P4HA3: variants seen among roughly 807,000 people sequenced by gnomAD.
The protein encoded by P4HA3 is prolyl 4-hydroxylase subunit alpha 3.
Under a neutral mutation model 66.7 loss-of-function variants are expected in P4HA3, and 60 were observed. That is an observed-to-expected ratio of 0.90 (90% CI 0.73 to 1.12). The LOEUF (loss-of-function observed/expected upper bound fraction) is 1.12, where lower values mean the gene tolerates loss of function less well. P4HA3 is among the 50% of genes most tolerant of loss of function. P4HA3 has a pLI of 0.00. For missense variants in P4HA3, 683 were observed against 685.8 expected, an observed-to-expected ratio of 1.00 and a Z score of 0.05; for synonymous variants, 263 against 274.6, an observed-to-expected ratio of 0.96 and a Z score of 0.42.
intron 1 of P4HA3, among the ~76,000 whole-genome samples, chr11:74,310,575 C>T (rs910128548): frequency 6.6e-6 from 1 of 152,232 alleles, no homozygotes; most frequent in Non-Finnish European, 1.5e-5. Context: ...GATTAACAGT[C>T]ATGGTGCTAC....
chr11:74,294,046 C>A (rs1861129131), intron 4 of P4HA3, among the ~76,000 whole-genome samples: 1 of 152,214 alleles, frequency 6.6e-6, no homozygotes, highest in Non-Finnish European at 1.5e-5. Context: ...GAGTGTTTTC[C>A]AACTTGGTTC....
chr11:74,287,097 G>A, intron 5 of P4HA3: 2 of 1,177,596 alleles, frequency 1.7e-6, no homozygotes, highest in Non-Finnish European at 2.1e-6. Flanking sequence ...AATAAATCTT[G>A]TGTCTTGTTT....
chr11:74,269,668 C>CT lies in P4HA3; in HGVS notation c.1450dup (p.Ser484LysfsTer6). The CT allele has an allele frequency of 6.2e-7, 1 of 1,613,850 alleles. No individual in the cohort carries two copies. On this transcript the variant is annotated frameshift_variant, in exon 11 of 13. Coordinates refer to ENST00000331597, the MANE Select transcript of P4HA3 (RefSeq NM_182904.5). LOFTEE classifies it high-confidence loss of function. ...CCCACTCACCCTAACCACAGGCACG[C>CT]TGAGGTTGGCATAGATGAAGGCTGT...
chr11:74,288,693 A>T (rs1460791353), intron 5 of P4HA3, among the ~76,000 whole-genome samples: 1 of 152,186 alleles, frequency 6.6e-6, no homozygotes, highest in African/African-American at 2.4e-5. Context: ...TCATGCCTGT[A>T]ATCCTAGCAC....
At chr11:74,264,458 T>G (rs1227874468), downstream of P4HA3, among the ~76,000 whole-genome samples, 1 of 152,214 alleles carries the variant, frequency 6.6e-6, no homozygotes, top group Non-Finnish European at 1.5e-5. Context: ...CCCATGAAAC[T>G]TCCAGGGGTG....
Position 74,311,598 on chromosome 11 carries a change from GC to G in P4HA3, c.13del (p.Ala5ArgfsTer30). On this transcript the variant is annotated frameshift_variant, in exon 1 of 13. Transcript: ENST00000331597. LOFTEE classifies it high-confidence loss of function. ...CACCGCCAGCAGCGCCGCCAGCCGC[GC>G]CCCAGGACCCATAGCCAGCGCTCGC... MGPG[A>X]RLAALLAVLA... The G allele has an allele frequency of 6.6e-7, 1 of 1,526,260 alleles. No homozygotes were observed. Among genetic ancestry groups the G allele is most frequent in the Admixed American group, 2.0e-5 (1 of 49,432 alleles). 94.5% of individuals were successfully genotyped at this position (1,526,260 alleles called of 1,614,324 possible).
chr11:74,301,490 G>A (rs568134145), intron 3 of P4HA3, among the ~76,000 whole-genome samples: 1 of 152,312 alleles, frequency 6.6e-6, no homozygotes, highest in Non-Finnish European at 1.5e-5. Flanking sequence ...AGTATGTAGA[G>A]AGACTCAAGC....
In P4HA3 at chr11:74,253,499, C is replaced by T. The variant is rs751225524; in HGVS notation, c.*1319-5498G>A. The T allele has an allele frequency of 8.7e-6, 14 of 1,608,794 alleles. No individual in the cohort carries two copies. Among genetic ancestry groups the T allele is most frequent in the Non-Finnish European group, 1.1e-5 (13 of 1,175,278 alleles). ...CTTTCTGTTCTTCCACAGTGTGTTTCCTGGCTGTTAGTGACCTGCTGTCCA... is the reference window on the plus strand; with the variant it reads ...CTTTCTGTTCTTCCACAGTGTGTTTTCTGGCTGTTAGTGACCTGCTGTCCA... On this transcript the variant is annotated intron_variant and NMD_transcript_variant, in intron 15 of 15. Coordinates refer to the P4HA3 transcript ENST00000524388.
chr11:74,258,160 G>A (rs1859857537), intron 15 of P4HA3, among the ~76,000 whole-genome samples: 2 of 152,130 alleles, frequency 1.3e-5, no homozygotes, highest in Non-Finnish European at 2.9e-5. Context: ...TCTGGGGCCA[G>A]GGCTCAGAAA....
Position 74,268,126 on chromosome 11 carries a change from C to T in P4HA3, c.1564+19G>A. ...TGCACCCTGTACCCCCTTCTCATGCCCAGAAAGGCAAGACTTACCCCACTT... is the reference window on the plus strand; with the variant it reads ...TGCACCCTGTACCCCCTTCTCATGCTCAGAAAGGCAAGACTTACCCCACTT... On this transcript the variant is annotated intron_variant, in intron 12 of 12. Transcript: ENST00000331597. 6.2e-7 allele frequency: 1 copy of T among 1,605,680 alleles called. No individual in the cohort carries two copies.
intron 7 of P4HA3, among the ~76,000 whole-genome samples, chr11:74,281,306 G>C (rs921476134): frequency 1.3e-5 from 2 of 151,778 alleles, no homozygotes; most frequent in African/African-American, 4.8e-5. Flanking sequence ...CATTGTGGAA[G>C]TCAGTGTGGC....
At chr11:74,253,790 T>G in intron 15 of P4HA3, 1 of 555,884 alleles carries the variant, frequency 1.8e-6, no homozygotes, top group South Asian at 2.4e-5. Context: ...CTGCGTTGCC[T>G]AGGGTAAAGC....
chr11:74,254,164 C>T (rs998427246), intron 15 of P4HA3: 1 of 153,298 alleles, frequency 6.5e-6, no homozygotes, highest in Non-Finnish European at 1.5e-5. Context: ...TGTCCCACTC[C>T]CACATGTCTG....
At chr11:74,278,641 A>T (rs1232768945) in intron 8 of P4HA3, among the ~76,000 whole-genome samples, 3 of 152,202 alleles carry the variant, frequency 2.0e-5, no homozygotes, top group African/African-American at 7.2e-5. Context: ...CTAGAATATC[A>T]GAAAGGTTAG....
intron 1 of P4HA3, among the ~76,000 whole-genome samples, chr11:74,306,866 G>C (rs1565424319): frequency 6.6e-6 from 1 of 152,204 alleles, no homozygotes; most frequent in African/African-American, 2.4e-5. Context: ...GGGTGTCTCT[G>C]ATCCCAAAGA....
chr11:74,289,796 T>G (rs753109910), intron 4 of P4HA3, among the ~76,000 whole-genome samples: 1 of 152,074 alleles, frequency 6.6e-6, no homozygotes, highest in African/African-American at 2.4e-5. Flanking sequence ...TATGGCTGCA[T>G]AGTATTCCCT....
At chr11:74,269,528 T>C in intron 11 of P4HA3, 124 bp downstream of exon 11, 4 of 925,550 alleles carry the variant, frequency 4.3e-6, no homozygotes, top group Non-Finnish European at 3.2e-6. Context: ...ATTCTGGGAA[T>C]TGGGGAAGAC....
chr11:74,272,932 G>C (rs1381100767), intron 10 of P4HA3, among the ~76,000 whole-genome samples: 2 of 152,190 alleles, frequency 1.3e-5, no homozygotes, highest in East Asian at 3.9e-4. Context: ...ATACAGACTG[G>C]GGCCGAATCC....
intron 7 of P4HA3, among the ~76,000 whole-genome samples, chr11:74,281,442 T>C (rs1488649516): frequency 1.6e-4 from 25 of 152,182 alleles, no homozygotes; most frequent in Non-Finnish European, 2.8e-4. Flanking sequence ...TATTGCGGCA[T>C]TATTCACAAT....
Sources: allele counts gnomAD v4.1 joint callset (sites outside exome capture counted in the v4.1 genomes callset), GRCh38; gene constraint gnomAD v4.1.1; transcripts MANE v1.5; gene names NCBI Gene and HGNC (gene_info 2026-07-23, HGNC 2026-07-21).